RIMKLB: variants seen among roughly 807,000 people sequenced by gnomAD.
RIMKLB encodes ribosomal modification protein rimK like family member B, also known as beta-citrylglutamate synthase B.
A neutral mutation model predicts 32.0 loss-of-function variants in RIMKLB; 7 were observed. The ratio of observed to expected loss-of-function variants is 0.22; its 90% CI spans 0.12 to 0.41. RIMKLB has a LOEUF of 0.41. Ranked by LOEUF, RIMKLB falls within the 10% of genes least tolerant of loss-of-function variation. The pLI, the probability that RIMKLB is intolerant of heterozygous loss-of-function variation, is 1.00. For missense variants in RIMKLB, 289 were observed against 498.7 expected (o/e 0.58, Z 4.00); for synonymous variants, 172 against 185.1 (o/e 0.93, Z 0.57).
At chr12:8,702,026 A>G (rs751828763) in intron 1 of RIMKLB, among the ~76,000 whole-genome samples, 1 of 151,768 alleles carries the variant, frequency 6.6e-6, no homozygotes, top group East Asian at 1.9e-4. Flanking sequence ...AAAAAAATAG[A>G]TCTTATGGGG....
At chr12:8,759,494 G>A (rs1032244105) in intron 5 of RIMKLB, among the ~76,000 whole-genome samples, 3 of 151,982 alleles carry the variant, frequency 2.0e-5, no homozygotes, top group Admixed American at 6.5e-5. Context: ...GCTATCTTAT[G>A]GCTATTTTAA....
intron 2 of RIMKLB, among the ~76,000 whole-genome samples, chr12:8,724,868 C>A (rs965375107): frequency 1.3e-5 from 2 of 152,126 alleles, no homozygotes; most frequent in Non-Finnish European, 2.9e-5. Flanking sequence ...GTGTTGGGAT[C>A]TAAGGCACAT....
At chr12:8,755,548 A>G (rs1948954096) in intron 5 of RIMKLB, among the ~76,000 whole-genome samples, 1 of 152,138 alleles carries the variant, frequency 6.6e-6, no homozygotes, top group Non-Finnish European at 1.5e-5. Context: ...AAATCTGACC[A>G]TTTTTTACCA....
At chr12:8,777,629 A>C (rs756810407), downstream of RIMKLB, 3 of 1,289,252 alleles carry the variant, frequency 2.3e-6, no homozygotes, top group Non-Finnish European at 2.0e-6. Context: ...AACAAACAAA[A>C]AAATACCCAG....
the RIMKLB span, among the ~76,000 whole-genome samples, chr12:8,672,566 A>G: frequency 2.0e-5 from 3 of 152,256 alleles, no homozygotes; most frequent in African/African-American, 7.2e-5. Flanking sequence ...AGATCTCATG[A>G]GACTTAATCA....
At chr12:8,748,405 A>G (rs1948295329) in intron 2 of RIMKLB, among the ~76,000 whole-genome samples, 1 of 151,890 alleles carries the variant, frequency 6.6e-6, no homozygotes, top group African/African-American at 2.4e-5. Context: ...TATCACAGGT[A>G]TGTGTGTATA....
intron 4 of RIMKLB, among the ~76,000 whole-genome samples, 164 bp downstream of exon 4, chr12:8,752,207 T>C (rs1354594150): frequency 2.0e-5 from 3 of 152,200 alleles, no homozygotes; most frequent in African/African-American, 7.2e-5. Flanking sequence ...GCTATTTGTT[T>C]AGTGGTTACC....
chr12:8,715,050 A>G (rs1195052476), intron 2 of RIMKLB, among the ~76,000 whole-genome samples: 1 of 152,188 alleles, frequency 6.6e-6, no homozygotes, highest in Non-Finnish European at 1.5e-5. Flanking sequence ...AATCTTGTCT[A>G]AATTAAAAAT....
chr12:8,774,760 G>A lies in RIMKLB; in HGVS notation c.*976G>A, dbSNP rs1950628443. ...TAGTTGGGCATTTAAATAAGGACAA[G>A]GAAAAATATTTTTGGGGGCAAATCA... is the stretch of plus-strand genomic sequence containing the variant. On this transcript the variant is annotated 3_prime_UTR_variant, in exon 6 of 6. Coordinates refer to ENST00000535829, the MANE Select transcript of RIMKLB (RefSeq NM_001297776.2). 1.8e-5 allele frequency: 18 copies of A among 985,352 alleles called. No homozygotes were observed. Among genetic ancestry groups the A allele is most frequent in the Non-Finnish European group, 2.0e-5 (17 of 829,844 alleles). 61.0% of individuals were successfully genotyped at this position (985,352 alleles called of 1,614,324 possible). A position where few individuals can be genotyped will look rare whatever the true frequency, so the allele number is the denominator to read the frequency against.
intron 3 of RIMKLB, among the ~76,000 whole-genome samples, chr12:8,751,681 A>G (rs1948630963): frequency 6.6e-6 from 1 of 152,222 alleles, no homozygotes; most frequent in Admixed American, 6.5e-5. Context: ...ATAAGGATAA[A>G]AACATGAGAA....
At chr12:8,690,378 G>A (rs1025601653) in intron 1 of RIMKLB, among the ~76,000 whole-genome samples, 1 of 152,136 alleles carries the variant, frequency 6.6e-6, no homozygotes, top group South Asian at 2.1e-4. Context: ...TTTCACGTTA[G>A]TAAATGCTAC....
chr12:8,716,529 C>G (rs1295940880), intron 2 of RIMKLB, among the ~76,000 whole-genome samples: 1 of 139,280 alleles, frequency 7.2e-6, no homozygotes, highest in East Asian at 2.2e-4. Flanking sequence ...TATCTTCTCA[C>G]TATCCTGGCT....
At chr12:8,713,706 C>T in intron 1 of RIMKLB, 105 bp from the exon 2 acceptor site, 5 of 712,260 alleles carry the variant, frequency 7.0e-6, no homozygotes, top group East Asian at 2.8e-5. Flanking sequence ...GTGTTTTTTC[C>T]TGTTTATATA....
chr12:8,697,597 AC>A (rs1000029722), upstream of RIMKLB: 294 of 165,092 alleles, frequency 1.8e-3, 4 homozygotes, highest in South Asian at 2.7e-3. Flanking sequence ...CTCGCCCCCC[AC>A]CCCCCCCATC....
chr12:8,757,731 G>A (rs12311048), intron 5 of RIMKLB, among the ~76,000 whole-genome samples: 3,607 of 151,762 alleles, frequency 0.024, 133 homozygotes, highest in African/African-American at 0.082. Flanking sequence ...TAGATACATC[G>A]TCAAGAGTAT....
rs1950772020 is a variant in RIMKLB at position 8,777,160 on chromosome 12, AAATGT to A, written c.*3380_*3384del. Reference sequence around the variant, plus strand: ...GTTTTTGTTGTACTAGGATTTTAAAAAATGTAATATATTGCAGGATTTATAACCAG... The same window carrying A: ...GTTTTTGTTGTACTAGGATTTTAAAAAATATATTGCAGGATTTATAACCAG... On this transcript the variant is annotated 3_prime_UTR_variant, in exon 6 of 6. Transcript: ENST00000535829. 1 of 982,810 alleles carries A rather than the reference AAATGT, an allele frequency of 1.0e-6. No individual in the cohort carries two copies. The allele number at this position is 982,810 out of a possible 1,614,324, so 60.9% of individuals were successfully genotyped here. A position where few individuals can be genotyped will look rare whatever the true frequency, so the allele number is the denominator to read the frequency against.
intron 3 of RIMKLB, among the ~76,000 whole-genome samples, chr12:8,750,481 T>G (rs181132859): frequency 2.6e-5 from 4 of 152,336 alleles, no homozygotes; most frequent in Admixed American, 2.0e-4. Flanking sequence ...TTTGCCAACC[T>G]CTGTGGTAAA....
At chr12:8,777,788 C>G, downstream of RIMKLB, 1 of 836,802 alleles carries the variant, frequency 1.2e-6, no homozygotes, top group African/African-American at 1.8e-5. Context: ...AGGCACAGCC[C>G]CAGTCTGCCT....
Position 8,740,985 on chromosome 12 carries a change from A to G in RIMKLB, c.176-8877A>G, listed in dbSNP as rs966259951. On this transcript the variant is annotated intron_variant, in intron 2 of 5. Coordinates refer to ENST00000535829, the MANE Select transcript of RIMKLB (RefSeq NM_001297776.2). ...GCATTTTGGGAGACTGAGGCGGGCA[A>G]ATCATGAGGTCAGGAGTTCGAGACC... 5.3e-5 allele frequency among the ~76,000 whole-genome samples: 8 copies of G among 151,868 alleles called. No homozygotes were observed. In the East Asian group the frequency reaches 1.5e-3, roughly 29 times the overall value.
Sources: allele counts gnomAD v4.1 joint callset (sites outside exome capture counted in the v4.1 genomes callset), GRCh38; gene constraint gnomAD v4.1.1; transcripts MANE v1.5; gene names NCBI Gene and HGNC (gene_info 2026-07-23, HGNC 2026-07-21).